ITFG1: variants seen among roughly 807,000 people sequenced by gnomAD.
ITFG1 encodes the protein T-cell immunomodulatory protein.
ITFG1 carries 34 observed loss-of-function variants against 81.8 expected under a neutral mutation model. The observed-to-expected ratio is 0.42, with a 90% CI of 0.32 to 0.55. The LOEUF (loss-of-function observed/expected upper bound fraction) is 0.55, where lower values mean the gene tolerates loss of function less well. Ranked by LOEUF, ITFG1 falls within the 20% of genes least tolerant of loss-of-function variation. ITFG1 has a pLI of 0.17. For missense variants in ITFG1, 672 were observed against 755.4 expected (o/e 0.89, Z 1.29); for synonymous variants, 285 against 270.6 (o/e 1.05, Z -0.52).
At chr16:47,417,520 C>T (rs1227257594) in intron 6 of ITFG1, among the ~76,000 whole-genome samples, 1 of 151,952 alleles carries the variant, frequency 6.6e-6, no homozygotes, top group Non-Finnish European at 1.5e-5. Context: ...ATATTTATAC[C>T]CATTAACCAC....
intron 14 of ITFG1, 40 bp downstream of exon 14, chr16:47,218,828 A>G (rs776690217): frequency 8.0e-7 from 1 of 1,250,552 alleles, no homozygotes; most frequent in East Asian, 2.5e-5. Context: ...TATTGACTGA[A>G]GAAGCTTTTA....
At chr16:47,419,601 C>CTTT (rs34405979) in intron 6 of ITFG1, among the ~76,000 whole-genome samples, 58 of 81,990 alleles carry the variant, frequency 7.1e-4, no homozygotes, top group Non-Finnish European at 9.9e-4. Flanking sequence ...TACTTCAGGT[C>CTTT]TTTTTTTTTT....
chr16:47,224,314 A>C (rs899880171), intron 13 of ITFG1, among the ~76,000 whole-genome samples: 1 of 152,230 alleles, frequency 6.6e-6, no homozygotes, highest in Non-Finnish European at 1.5e-5. Flanking sequence ...AGGTTGACCA[A>C]ATCTTAAAAG....
intron 8 of ITFG1, among the ~76,000 whole-genome samples, chr16:47,357,944 T>G (rs2151584251): frequency 6.6e-6 from 1 of 152,340 alleles, no homozygotes; most frequent in Non-Finnish European, 1.5e-5. Context: ...ACATCTGGCA[T>G]CCATGACTCA....
intron 2 of ITFG1, among the ~76,000 whole-genome samples, chr16:47,454,917 C>A (rs1969433242): frequency 6.6e-6 from 1 of 152,164 alleles, no homozygotes; most frequent in African/African-American, 2.4e-5. Flanking sequence ...CAGCAAATTT[C>A]CAATTAGACT....
chr16:47,233,566 C>A (rs961828385), intron 13 of ITFG1, among the ~76,000 whole-genome samples: 6 of 152,174 alleles, frequency 3.9e-5, no homozygotes, highest in Non-Finnish European at 8.8e-5. Flanking sequence ...CTGAAATATG[C>A]CCAGAGCTCT....
At chr16:47,296,255 T>TA (rs1457587728) in intron 10 of ITFG1, among the ~76,000 whole-genome samples, 1 of 151,762 alleles carries the variant, frequency 6.6e-6, no homozygotes, top group Non-Finnish European at 1.5e-5. Context: ...CTTTTTTTTT[T>TA]AATGTAGGCA....
At chr16:47,253,371 C>A (rs1346358943) in intron 12 of ITFG1, among the ~76,000 whole-genome samples, 1 of 152,188 alleles carries the variant, frequency 6.6e-6, no homozygotes, top group African/African-American at 2.4e-5. Context: ...TACCTAGCTT[C>A]CACATCCCTG....
chr16:47,183,103 G>A (rs1006059427), intron 14 of ITFG1, among the ~76,000 whole-genome samples: 1 of 152,232 alleles, frequency 6.6e-6, no homozygotes, highest in Non-Finnish European at 1.5e-5. Context: ...TCCCGCATCT[G>A]GCTCGCACCT....
chr16:47,358,080 C>A (rs983051310), intron 8 of ITFG1, among the ~76,000 whole-genome samples: 2 of 152,142 alleles, frequency 1.3e-5, no homozygotes, highest in African/African-American at 4.8e-5. Flanking sequence ...TACTAATGAC[C>A]TGGGTTTATT....
At chr16:47,289,964 T>C (rs76586362) in intron 10 of ITFG1, among the ~76,000 whole-genome samples, 25 of 152,270 alleles carry the variant, frequency 1.6e-4, no homozygotes, top group Admixed American at 2.6e-4. Context: ...AGTTTTTTAA[T>C]GTTGGTGTTT....
chr16:47,455,946 G>A (rs986459740), intron 2 of ITFG1, among the ~76,000 whole-genome samples: 1 of 151,956 alleles, frequency 6.6e-6, no homozygotes, highest in African/African-American at 2.4e-5. Context: ...ACTCCTAAAA[G>A]AGACAAAAAA....
At chr16:47,449,488 A>C (rs573940308) in intron 5 of ITFG1, 36 of 152,224 alleles carry the variant, frequency 2.4e-4, no homozygotes, top group Admixed American at 6.5e-4. Context: ...CTGAACCATG[A>C]TATTGTTAGA....
Position 47,422,669 on chromosome 16 carries a change from G to T in ITFG1, c.655+6135C>A, listed in dbSNP as rs1299093644. ...TATTAATTATTGCCTCAATTTCCAAGCCTGTTATCGGTCTATTCAGAGATT... is the reference window on the plus strand; with the variant it reads ...TATTAATTATTGCCTCAATTTCCAATCCTGTTATCGGTCTATTCAGAGATT... On this transcript the variant is annotated intron_variant, in intron 6 of 17. Transcript: ENST00000320640. 2.0e-5 allele frequency among the ~76,000 whole-genome samples: 3 copies of T among 152,118 alleles called. No individual in the cohort carries two copies. In the East Asian group the frequency reaches 5.8e-4, roughly 29 times the overall value.
intron 14 of ITFG1, among the ~76,000 whole-genome samples, chr16:47,183,727 C>T (rs1279015547): frequency 3.9e-5 from 6 of 152,174 alleles, no homozygotes; most frequent in Non-Finnish European, 8.8e-5. Flanking sequence ...AAAAGCAGAG[C>T]GCCTCTCCTC....
intron 10 of ITFG1, among the ~76,000 whole-genome samples, chr16:47,268,923 A>G (rs1309961185): frequency 6.6e-6 from 1 of 152,266 alleles, no homozygotes; most frequent in African/African-American, 2.4e-5. Context: ...CAATCATCTA[A>G]TAAAAGGCAG....
chr16:47,187,475 C>G (rs1288329011), intron 14 of ITFG1, among the ~76,000 whole-genome samples: 37 of 152,050 alleles, frequency 2.4e-4, no homozygotes, highest in East Asian at 3.9e-4. Context: ...ACAACTATCT[C>G]ATCTTTGACA....
chr16:47,456,027 G>A (rs1969448650), intron 2 of ITFG1, among the ~76,000 whole-genome samples: 1 of 152,042 alleles, frequency 6.6e-6, no homozygotes. Flanking sequence ...CCTCTAGCTT[G>A]AAAGGGCCCA....
At chr16:47,301,873 T>C (rs1375771214) in intron 10 of ITFG1, among the ~76,000 whole-genome samples, 1 of 152,146 alleles carries the variant, frequency 6.6e-6, no homozygotes, top group Admixed American at 6.5e-5. Context: ...ATTTTATTGG[T>C]TGATCAAAAT....
Sources: allele counts gnomAD v4.1 joint callset (sites outside exome capture counted in the v4.1 genomes callset), GRCh38; gene constraint gnomAD v4.1.1; transcripts MANE v1.5; gene names NCBI Gene and HGNC (gene_info 2026-07-23, HGNC 2026-07-21).